The following CPEB3 variants were observed in gnomAD, a reference collection of about 807,000 sequenced individuals.
CPEB3 encodes cytoplasmic polyadenylation element binding protein 3.
Under a neutral mutation model 67.2 loss-of-function variants are expected in CPEB3, and 20 were observed. The observed-to-expected ratio is 0.30, with a 90% CI of 0.21 to 0.43. CPEB3 has a LOEUF of 0.43. Among genes scored for constraint, CPEB3 ranks in the 20% least tolerant of loss-of-function variants. The probability of loss-of-function intolerance (pLI) is 1.00; values close to 1 mark genes in which losing one functional copy is unlikely to be tolerated. For synonymous variants in CPEB3, 376 were observed against 393.1 expected, an observed-to-expected ratio of 0.96 and a Z score of 0.51; for missense variants, 746 against 968.6, an observed-to-expected ratio of 0.77 and a Z score of 3.05.
intron 4 of CPEB3, among the ~76,000 whole-genome samples, chr10:92,147,663 A>G (rs927817547): frequency 3.9e-5 from 6 of 152,148 alleles, no homozygotes; most frequent in Non-Finnish European, 8.8e-5. Flanking sequence ...ATGTGCTAAG[A>G]GAAGACTTTA....
At chr10:92,162,946 T>G (rs1258423799) in intron 4 of CPEB3, among the ~76,000 whole-genome samples, 1 of 152,096 alleles carries the variant, frequency 6.6e-6, no homozygotes, top group East Asian at 1.9e-4. Flanking sequence ...CTTGCATAGC[T>G]TCCCCAATTA....
chr10:92,057,175 T>G (rs1842143402), intron 9 of CPEB3, among the ~76,000 whole-genome samples: 1 of 152,142 alleles, frequency 6.6e-6, no homozygotes, highest in Non-Finnish European at 1.5e-5. Flanking sequence ...TCCCCAACTC[T>G]AGGACTTGAC....
chr10:92,266,894 C>T (rs1304125600), intron 1 of CPEB3, among the ~76,000 whole-genome samples: 2 of 151,940 alleles, frequency 1.3e-5, no homozygotes, highest in African/African-American at 4.8e-5. Context: ...ATTAGCCGGG[C>T]GTGGTGGCAG....
At chr10:92,075,773 G>A (rs76895621) in intron 9 of CPEB3, among the ~76,000 whole-genome samples, 228 of 152,278 alleles carry the variant, frequency 1.5e-3, no homozygotes, top group Admixed American at 2.4e-3. Context: ...AATCTATAAA[G>A]CTTGTATTTC....
intron 3 of CPEB3, among the ~76,000 whole-genome samples, chr10:92,190,213 G>A (rs1436161727): frequency 2.0e-5 from 3 of 151,894 alleles, no homozygotes; most frequent in African/African-American, 7.3e-5. Context: ...GGGAGGCAGA[G>A]GTTGCAGTGA....
At chr10:92,264,912 T>C (rs1444216740) in intron 1 of CPEB3, among the ~76,000 whole-genome samples, 1 of 152,060 alleles carries the variant, frequency 6.6e-6, no homozygotes, top group African/African-American at 2.4e-5. Flanking sequence ...AATCCTGTAA[T>C]CCTAGCACTT....
intron 1 of CPEB3, among the ~76,000 whole-genome samples, chr10:92,250,166 C>T (rs1301057982): frequency 4.0e-5 from 6 of 151,724 alleles, no homozygotes; most frequent in African/African-American, 1.5e-4. Flanking sequence ...GAGCTCACTG[C>T]CAGCTCGGCC....
At chr10:92,095,602 T>TA (rs10665210) in intron 7 of CPEB3, among the ~76,000 whole-genome samples, 9,959 of 73,138 alleles carry the variant, frequency 0.14, 394 homozygotes, top group African/African-American at 0.25. Flanking sequence ...ATATATATAT[T>TA]TTTTTTTTTT....
At chr10:92,279,925 CACT>C (rs1374425947) in intron 1 of CPEB3, among the ~76,000 whole-genome samples, 3 of 152,058 alleles carry the variant, frequency 2.0e-5, no homozygotes, top group Non-Finnish European at 4.4e-5. Flanking sequence ...GCATGAAAGT[CACT>C]TGAACCTGGG....
intron 7 of CPEB3, among the ~76,000 whole-genome samples, chr10:92,098,158 C>T (rs1238006065): frequency 5.0e-5 from 3 of 59,574 alleles, no homozygotes; most frequent in East Asian, 5.6e-4. Flanking sequence ...TGACACTCTG[C>T]CTAAAAAAAA....
chr10:92,259,005 CA>C (rs1852669641), intron 1 of CPEB3, among the ~76,000 whole-genome samples: 1 of 151,478 alleles, frequency 6.6e-6, no homozygotes, highest in African/African-American at 2.4e-5. Context: ...CTCCGTTGCC[CA>C]GGCTGGAATG....
At chr10:92,230,766 A>G (rs1427040374) in intron 2 of CPEB3, among the ~76,000 whole-genome samples, 1 of 152,226 alleles carries the variant, frequency 6.6e-6, no homozygotes, top group Non-Finnish European at 1.5e-5. Flanking sequence ...GACCAGCTGT[A>G]GAAAATTCCT....
chr10:92,224,138 G>A (rs935092590), intron 2 of CPEB3, among the ~76,000 whole-genome samples: 8 of 152,084 alleles, frequency 5.3e-5, no homozygotes, highest in African/African-American at 2.4e-5. Flanking sequence ...GACCTCAAGT[G>A]TTCCACCCAC....
At chr10:92,129,500 T>C (rs1845746596) in intron 6 of CPEB3, among the ~76,000 whole-genome samples, 1 of 152,168 alleles carries the variant, frequency 6.6e-6, no homozygotes, top group Admixed American at 6.6e-5. Flanking sequence ...TTGGTTCTGC[T>C]GGGATGGTTC....
chr10:92,181,451 T>A (rs1436690119), intron 3 of CPEB3, among the ~76,000 whole-genome samples: 1 of 150,346 alleles, frequency 6.7e-6, no homozygotes, highest in Non-Finnish European at 1.5e-5. Context: ...GGTTTCATAG[T>A]GGCTCAAAAA....
At chr10:92,262,655 T>C (rs574242589) in intron 1 of CPEB3, among the ~76,000 whole-genome samples, 126 of 152,156 alleles carry the variant, frequency 8.3e-4, no homozygotes, top group Non-Finnish European at 1.4e-3. Flanking sequence ...AAGACCAGCC[T>C]GGGCAACATA....
At chr10:92,182,787 C>G (rs891552605) in intron 3 of CPEB3, among the ~76,000 whole-genome samples, 7 of 145,356 alleles carry the variant, frequency 4.8e-5, no homozygotes, top group Non-Finnish European at 8.9e-5. Context: ...GATTGCGCCA[C>G]TGTACTCCAG....
At chr10:92,068,780 T>A (rs1564751997) in intron 9 of CPEB3, among the ~76,000 whole-genome samples, 1 of 152,216 alleles carries the variant, frequency 6.6e-6, no homozygotes, top group African/African-American at 2.4e-5. Context: ...TTCTATTCCA[T>A]TCAAAGATCT....
intron 6 of CPEB3, chr10:92,118,882 T>C (rs1192085320): frequency 1.2e-6 from 1 of 850,192 alleles, no homozygotes; most frequent in Non-Finnish European, 2.1e-6. Flanking sequence ...ACACTGGTAC[T>C]GCTTTGAGGG....
Sources: allele counts gnomAD v4.1 joint callset (sites outside exome capture counted in the v4.1 genomes callset), GRCh38; gene constraint gnomAD v4.1.1; transcripts MANE v1.5; gene names NCBI Gene and HGNC (gene_info 2026-07-23, HGNC 2026-07-21).